Variants in GPC3 observed in about 807,000 individuals in gnomAD.
The protein encoded by GPC3 is glypican 3, also known as glypican-3.
Under a neutral mutation model 34.4 loss-of-function variants are expected in GPC3, and 3 were observed. The ratio of observed to expected loss-of-function variants is 0.09; its 90% CI spans 0.04 to 0.23. The LOEUF (loss-of-function observed/expected upper bound fraction) is 0.23. Among genes scored for constraint, GPC3 ranks in the 10% least tolerant of loss-of-function variants. GPC3 has a pLI of 1.00. For missense variants in GPC3, 351 were observed against 445.6 expected, an observed-to-expected ratio of 0.79 and a Z score of 1.91; for synonymous variants, 177 against 174.0, an observed-to-expected ratio of 1.02 and a Z score of -0.13.
chrX:133,676,466 C>T (rs908814257), intron 5 of GPC3, among the ~76,000 whole-genome samples: 6 of 112,322 alleles, frequency 5.3e-5, no homozygotes, highest in African/African-American at 1.9e-4. Context: ...TACCCTGCCA[C>T]TCTCAAGTTG....
At chrX:133,948,274 T>C (rs1247878457) in intron 2 of GPC3, among the ~76,000 whole-genome samples, 3 of 111,171 alleles carry the variant, frequency 2.7e-5, no homozygotes, top group African/African-American at 9.8e-5. Flanking sequence ...GAGAAATTGC[T>C]GTGAGCTGAC....
intron 7 of GPC3, among the ~76,000 whole-genome samples, chrX:133,580,207 A>C (rs780908645): frequency 4.5e-5 from 5 of 112,028 alleles, no homozygotes; most frequent in Non-Finnish European, 9.4e-5. Flanking sequence ...TTATGACTCC[A>C]AGCTGGCTAT....
intron 7 of GPC3, among the ~76,000 whole-genome samples, chrX:133,570,205 T>G (rs2069615450): frequency 9.3e-6 from 1 of 107,116 alleles, no homozygotes; most frequent in African/African-American, 3.4e-5. Flanking sequence ...TGTTTGCTTT[T>G]GTTTTTGTGT....
At chrX:133,838,049 G>A (rs2075807629) in intron 2 of GPC3, among the ~76,000 whole-genome samples, 1 of 112,128 alleles carries the variant, frequency 8.9e-6, no homozygotes, top group Non-Finnish European at 1.9e-5. Context: ...AATGTCTACA[G>A]AAAACTGAAT....
At chrX:133,588,798 G>A (rs1011949970) in intron 7 of GPC3, among the ~76,000 whole-genome samples, 2 of 111,795 alleles carry the variant, frequency 1.8e-5, no homozygotes, top group East Asian at 2.8e-4. Context: ...TGAGATCGTC[G>A]TTATTTTGTG....
In GPC3 at chrX:133,557,016, G is replaced by A. The variant is rs373371451; in HGVS notation, c.1574-20723C>T. On this transcript the variant is annotated intron_variant, in intron 7 of 7. Transcript: ENST00000370818. Reference sequence around the variant, plus strand: ...TTAAAAAGTATTCATTTAAGGGGCCGGGCATGGTGGCTCATGCCTGTAATC... The same window carrying A: ...TTAAAAAGTATTCATTTAAGGGGCCAGGCATGGTGGCTCATGCCTGTAATC... Among the ~76,000 whole-genome samples the A allele has an allele frequency of 1.1e-3, 125 of 111,103 alleles. 3 individuals are homozygous for A. The South Asian group carries it at 0.047, about 42-fold the overall frequency.
At chrX:133,828,393 G>C (rs1157652454) in intron 2 of GPC3, among the ~76,000 whole-genome samples, 1 of 111,594 alleles carries the variant, frequency 9.0e-6, no homozygotes, top group Non-Finnish European at 1.9e-5. Context: ...CCTGATCTCA[G>C]GTGATCCACC....
chrX:133,538,926 G>A (rs1353008185), intron 7 of GPC3, among the ~76,000 whole-genome samples: 1 of 92,505 alleles, frequency 1.1e-5, no homozygotes, highest in Non-Finnish European at 2.1e-5. Context: ...TTGCCATGTT[G>A]CCCAGGCTGG....
chrX:133,881,184 TG>T (rs1202253304), intron 2 of GPC3, among the ~76,000 whole-genome samples: 1 of 112,085 alleles, frequency 8.9e-6, no homozygotes, highest in Non-Finnish European at 1.9e-5. Flanking sequence ...GGGCTTTTCC[TG>T]CTCTCACTGC....
chrX:133,606,555 A>G (rs1354498862), intron 6 of GPC3, among the ~76,000 whole-genome samples: 2 of 111,597 alleles, frequency 1.8e-5, no homozygotes, highest in African/African-American at 6.5e-5. Flanking sequence ...CTGAGTAGCT[A>G]GGACTACAGG....
intron 2 of GPC3, among the ~76,000 whole-genome samples, chrX:133,817,925 A>G (rs910867348): frequency 9.0e-6 from 1 of 111,309 alleles, no homozygotes; most frequent in African/African-American, 3.3e-5. Flanking sequence ...ATGATATCCT[A>G]GCTCATTGTT....
chrX:133,616,646 G>C (rs1324416659), intron 6 of GPC3, among the ~76,000 whole-genome samples: 1 of 110,217 alleles, frequency 9.1e-6, no homozygotes. Flanking sequence ...GTTCAGGGAG[G>C]TCTTGGAATA....
chrX:133,754,537 T>C (rs2071708838), intron 2 of GPC3, among the ~76,000 whole-genome samples: 1 of 112,703 alleles, frequency 8.9e-6, no homozygotes, highest in Non-Finnish European at 1.9e-5. Context: ...CACTGATTTA[T>C]TCAGTTAAAA....
At chrX:133,946,491 C>T (rs1297152676) in intron 2 of GPC3, among the ~76,000 whole-genome samples, 1 of 111,158 alleles carries the variant, frequency 9.0e-6, no homozygotes, top group Non-Finnish European at 1.9e-5. Flanking sequence ...CAATACAGTA[C>T]ACTTTCAGAA....
intron 3 of GPC3, among the ~76,000 whole-genome samples, chrX:133,713,825 C>T (rs73239400): frequency 2.7e-5 from 3 of 111,965 alleles, no homozygotes; most frequent in Non-Finnish European, 5.6e-5. Flanking sequence ...AACTTGACAG[C>T]TTCCCAATAC....
chrX:133,878,498 A>C (rs2124580997), intron 2 of GPC3, among the ~76,000 whole-genome samples: 1 of 112,436 alleles, frequency 8.9e-6, no homozygotes, highest in South Asian at 3.7e-4. Flanking sequence ...AAAATTAAAT[A>C]ATCCAAGTGT....
chrX:133,788,818 T>C (rs1170270403), intron 2 of GPC3, among the ~76,000 whole-genome samples: 1 of 107,061 alleles, frequency 9.3e-6, no homozygotes, highest in Non-Finnish European at 1.9e-5. Context: ...ACCACCTTAG[T>C]TTTGGATAGT....
At chrX:133,684,531 G>A (rs115025174) in intron 5 of GPC3, among the ~76,000 whole-genome samples, 1,651 of 111,243 alleles carry the variant, frequency 0.015, 43 homozygotes, top group African/African-American at 0.052. Context: ...ATGGACTTTC[G>A]GACCTGACTC....
chrX:133,629,987 G>T (rs1018538703), intron 6 of GPC3, among the ~76,000 whole-genome samples: 1 of 110,594 alleles, frequency 9.0e-6, no homozygotes, highest in African/African-American at 3.3e-5. Context: ...TCAGGAGGTG[G>T]AGGTTGTGGT....
Sources: allele counts gnomAD v4.1 joint callset (sites outside exome capture counted in the v4.1 genomes callset), GRCh38; gene constraint gnomAD v4.1.1; transcripts MANE v1.5; gene names NCBI Gene and HGNC (gene_info 2026-07-23, HGNC 2026-07-21).